The following FLNB variants were observed in gnomAD, a reference collection of about 807,000 sequenced individuals.
FLNB encodes the protein filamin B, also known as filamin-B.
Under a neutral mutation model 250.6 loss-of-function variants are expected in FLNB, and 111 were observed. The ratio of observed to expected loss-of-function variants is 0.44; its 90% CI spans 0.38 to 0.52. The LOEUF (loss-of-function observed/expected upper bound fraction) is 0.52, where lower values mean the gene tolerates loss of function less well. FLNB is among the 20% of genes least tolerant of loss of function. The pLI, the probability that FLNB is intolerant of heterozygous loss-of-function variation, is 0.00. For missense variants in FLNB, 2,869 were observed against 3,447.8 expected (o/e 0.83, Z 4.20); for synonymous variants, 1,302 against 1,372.1 (o/e 0.95, Z 1.13).
Position 58,102,447 on chromosome 3 carries a change from G to A in FLNB, c.1483+107G>A, listed in dbSNP as rs1576720872. The A allele has an allele frequency of 3.1e-6, 4 of 1,283,370 alleles. No individual in the cohort carries two copies. In the East Asian group the frequency reaches 9.2e-5, roughly 30 times the overall value. The allele number at this position is 1,283,370 out of a possible 1,614,324, so 79.5% of individuals were successfully genotyped here. A position where few individuals can be genotyped will look rare whatever the true frequency, so the allele number is the denominator to read the frequency against. On this transcript the variant is annotated intron_variant, in intron 9 of 45. Transcript: ENST00000295956. ...CAGTTGTCCTCAATAATCCCAGAAG[G>A]CTATGTCAAGGATTTGAGGCTATCT...
chr3:58,147,991 G>A (rs2097338378), intron 34 of FLNB, among the ~76,000 whole-genome samples: 1 of 152,192 alleles, frequency 6.6e-6, no homozygotes, highest in Admixed American at 6.5e-5. Flanking sequence ...AAGTCTCTAG[G>A]TCCTGCCAGC....
intron 4 of FLNB, 139 bp from the exon 5 acceptor site, chr3:58,094,697 A>G (rs1378675124): frequency 1.3e-6 from 1 of 778,130 alleles, no homozygotes; most frequent in Non-Finnish European, 2.3e-6. Context: ...TTCCTTGTCA[A>G]GGCAGTTTGT....
At chr3:58,102,505 AGTAAT>A (rs1211520001) in intron 9 of FLNB, among the ~76,000 whole-genome samples, 165 bp downstream of exon 9, 1 of 152,244 alleles carries the variant, frequency 6.6e-6, no homozygotes, top group African/African-American at 2.4e-5. Context: ...GTGATTGATT[AGTAAT>A]GTCTGCCCTG....
chr3:58,119,485 C>T (rs1398317716), intron 19 of FLNB, among the ~76,000 whole-genome samples: 1 of 152,160 alleles, frequency 6.6e-6, no homozygotes, highest in Non-Finnish European at 1.5e-5. Context: ...CTGCCCCATC[C>T]CAATGTTCCT....
Position 58,163,144 on chromosome 3 carries a change from A to T in FLNB, c.7022-10A>T. On this transcript the variant is annotated splice_polypyrimidine_tract_variant and intron_variant, in intron 42 of 45. Transcript: ENST00000295956. ...TTGATTTCACCCTGTGCCTTTGCTC[A>T]TTCTCCTAGATAAGTATGCTGTTCG... The T allele has an allele frequency of 1.9e-6, 3 of 1,614,078 alleles. No individual in the cohort carries two copies. Among genetic ancestry groups the T allele is most frequent in the Non-Finnish European group, 2.5e-6 (3 of 1,179,948 alleles).
chr3:58,096,300 C>A, intron 6 of FLNB, 82 bp downstream of exon 6: 1 of 1,002,250 alleles, frequency 1.0e-6, no homozygotes, highest in South Asian at 1.3e-5. Flanking sequence ...GAGTGTTTTT[C>A]TTAAGTGAAT....
chr3:58,055,053 G>A (rs2097168276), intron 1 of FLNB, among the ~76,000 whole-genome samples: 2 of 152,114 alleles, frequency 1.3e-5, no homozygotes, highest in Non-Finnish European at 2.9e-5. Context: ...GATCCCTTGA[G>A]GTCAGGAGTT....
At chr3:58,057,917 A>G (rs1262989713) in intron 1 of FLNB, among the ~76,000 whole-genome samples, 2 of 152,050 alleles carry the variant, frequency 1.3e-5, no homozygotes, top group Non-Finnish European at 2.9e-5. Flanking sequence ...CAGCCTCCCG[A>G]GTAGCTGGGA....
At position 58,153,496 on chromosome 3, in the gene FLNB, C is replaced by G; in HGVS notation, c.6489C>G (p.Gly2163=). ...HCVRFVPQEM[G]VHTVSVKYRG... ...TCCGGTTTGTGCCCCAGGAGATGGG[C>G]GTGCACACGGTCAGCGTCAAGTACC... The change falls in exon 39 of 46, where the codon GGC becomes GGG. Residue 2163 remains glycine, a synonymous_variant. Transcript: ENST00000295956. The G allele has an allele frequency of 6.2e-7, 1 of 1,614,224 alleles. No individual in the cohort carries two copies. The highest frequency in any genetic ancestry group is 1.3e-5 in the African/African-American group (1 of 75,080).
chr3:58,086,802 A>G (rs139692343), intron 4 of FLNB, among the ~76,000 whole-genome samples: 2 of 152,304 alleles, frequency 1.3e-5, no homozygotes, highest in East Asian at 3.9e-4. Flanking sequence ...TTTGGATCCT[A>G]TTCAAACTAA....
At chr3:58,140,051 G>A (rs533105823) in intron 29 of FLNB, among the ~76,000 whole-genome samples, 3 of 152,300 alleles carry the variant, frequency 2.0e-5, no homozygotes, top group East Asian at 1.9e-4. Flanking sequence ...AGAAAGGGAC[G>A]ATCACCTACA....
intron 2 of FLNB, 142 bp from the exon 3 acceptor site, chr3:58,078,575 A>G (rs2097204749): frequency 4.6e-6 from 7 of 1,526,750 alleles, no homozygotes; most frequent in Admixed American, 2.0e-5. Flanking sequence ...CTTTTTGCCT[A>G]TTAAATATAT....
intron 9 of FLNB, among the ~76,000 whole-genome samples, chr3:58,103,722 A>G (rs2097254737): frequency 1.3e-5 from 2 of 152,168 alleles, no homozygotes; most frequent in Admixed American, 6.5e-5. Flanking sequence ...TTCTAAAGCC[A>G]ATTAGCTGGG....
At chr3:58,118,389 G>T (rs2097282657) in intron 18 of FLNB, among the ~76,000 whole-genome samples, 1 of 152,168 alleles carries the variant, frequency 6.6e-6, no homozygotes, top group Non-Finnish European at 1.5e-5. Context: ...GCACTGGCTG[G>T]CACTGGGTAT....
intron 1 of FLNB, among the ~76,000 whole-genome samples, chr3:58,050,224 T>A (rs2097160264): frequency 6.6e-6 from 1 of 152,018 alleles, no homozygotes; most frequent in Non-Finnish European, 1.5e-5. Flanking sequence ...CAGACGGGGT[T>A]TCACCATGTT....
chr3:58,108,506 A>T lies in FLNB; in HGVS notation c.1990A>T (p.Asn664Tyr). ...GGAGAAATCTGGATGCATTGTCAAC[A>T]ACCTGGCCGAGTTCACTGTGGATCC... ...GLEKSGCIVN[N>Y]LAEFTVDPKD... Residue 664 changes from asparagine to tyrosine, a missense_variant, in exon 13 of 46, where the codon AAC becomes TAC. Transcript: ENST00000295956. 6.2e-7 allele frequency: 1 copy of T among 1,614,198 alleles called. No individual in the cohort carries two copies. The highest frequency in any genetic ancestry group is 1.7e-5 in the Admixed American group (1 of 60,034).
intron 1 of FLNB, among the ~76,000 whole-genome samples, chr3:58,069,245 T>C (rs2097190624): frequency 6.9e-6 from 1 of 145,650 alleles, no homozygotes; most frequent in Non-Finnish European, 1.5e-5. Flanking sequence ...TTTTTTTTTT[T>C]TTTTTTTTTT....
intron 19 of FLNB, among the ~76,000 whole-genome samples, chr3:58,120,020 A>G (rs1576752419): frequency 1.3e-5 from 2 of 152,220 alleles, no homozygotes; most frequent in African/African-American, 4.8e-5. Flanking sequence ...ACCTGGTTTC[A>G]GGCTTACTGA....
rs141498996 is a variant in FLNB at position 58,009,501 on chromosome 3, C to T, written c.292+645C>T. On this transcript the variant is annotated intron_variant, in intron 1 of 45. Coordinates refer to ENST00000295956, the MANE Select transcript of FLNB (RefSeq NM_001457.4). ...CTCTGGCCGCGCGCCGCAGGTTGAA[C>T]CCACTCCTTGCTGCCGAAGTTATAA... Among the ~76,000 whole-genome samples, 4 of 152,320 alleles carry T rather than the reference C, an allele frequency of 2.6e-5. No individual in the cohort carries two copies. The East Asian group carries it at 7.7e-4, about 29-fold the overall frequency.
Sources: gnomAD v4.1 joint callset for allele counts (sites outside exome capture counted in the v4.1 genomes callset) on GRCh38, gnomAD v4.1.1 for gene constraint, MANE v1.5 for transcripts, NCBI Gene and HGNC (gene_info 2026-07-23, HGNC 2026-07-21) for gene names.